The following ITGA8 variants were observed in gnomAD, a reference collection of about 807,000 sequenced individuals.
ITGA8 encodes integrin subunit alpha 8.
ITGA8 carries 91 observed loss-of-function variants against 142.3 expected under a neutral mutation model. That is an observed-to-expected ratio of 0.64 (90% CI 0.54 to 0.76). The LOEUF (loss-of-function observed/expected upper bound fraction) is 0.76. Among genes scored for constraint, ITGA8 ranks in the 30% least tolerant of loss-of-function variants. The pLI is 0.00. For synonymous variants in ITGA8, 505 were observed against 485.2 expected (o/e 1.04, Z -0.54); for missense variants, 1,406 against 1,327.7 (o/e 1.06, Z -0.92).
chr10:15,601,962 G>T (rs1203054799), intron 20 of ITGA8, among the ~76,000 whole-genome samples: 1 of 152,214 alleles, frequency 6.6e-6, no homozygotes, highest in Admixed American at 6.5e-5. Context: ...AAGGGAAATT[G>T]ACAGAGAAAA....
intron 13 of ITGA8, among the ~76,000 whole-genome samples, chr10:15,640,388 G>C (rs1306952565): frequency 6.6e-6 from 1 of 152,142 alleles, no homozygotes; most frequent in South Asian, 2.1e-4. Flanking sequence ...GCTCTCAGGT[G>C]TATTTACTTC....
chr10:15,712,526 G>A (rs768105382), intron 2 of ITGA8, among the ~76,000 whole-genome samples: 22 of 152,156 alleles, frequency 1.4e-4, no homozygotes, highest in East Asian at 3.8e-4. Context: ...ATTTTAACCC[G>A]GGAGATGGAG....
chr10:15,692,336 A>C (rs914301115), intron 2 of ITGA8, among the ~76,000 whole-genome samples: 1 of 152,198 alleles, frequency 6.6e-6, no homozygotes, highest in Non-Finnish European at 1.5e-5. Flanking sequence ...CATTAGATAA[A>C]TATGACATGA....
At chr10:15,644,433 A>AATATATATAT (rs57868499) in intron 12 of ITGA8, among the ~76,000 whole-genome samples, 2 of 42,452 alleles carry the variant, frequency 4.7e-5, no homozygotes, top group African/African-American at 1.0e-4. Flanking sequence ...ATGTCAGGCT[A>AATATATATAT]ATATATATAT....
At chr10:15,550,099 C>T (rs1833768004) in intron 26 of ITGA8, among the ~76,000 whole-genome samples, 1 of 152,140 alleles carries the variant, frequency 6.6e-6, no homozygotes, top group African/African-American at 2.4e-5. Context: ...GTTCTCATGG[C>T]AGTGAATAAG....
rs150120222 is a variant in ITGA8, at chr10:15,582,598, A to G, written c.2372+3986T>C. 3.6e-3 allele frequency among the ~76,000 whole-genome samples: 551 copies of G among 152,372 alleles called. 4 individuals carry two copies. Among genetic ancestry groups the G allele is most frequent in the African/African-American group, 0.012 (504 of 41,588 alleles). The stretch of plus-strand genomic sequence containing the variant: ...CAACTCGATAATAAGGAGACAGAAA[A>G]CCCAGTAATAAATGGGTAGAAGATT... On this transcript the variant is annotated intron_variant, in intron 23 of 29. Coordinates refer to ENST00000378076, the MANE Select transcript of ITGA8 (RefSeq NM_003638.3).
chr10:15,550,084 A>G (rs2131559508), intron 26 of ITGA8, among the ~76,000 whole-genome samples: 1 of 152,252 alleles, frequency 6.6e-6, no homozygotes, highest in East Asian at 1.9e-4. Flanking sequence ...GGTTTCCCAC[A>G]TACTGTTCTC....
At chr10:15,527,975 G>C (rs1343805128) in intron 28 of ITGA8, among the ~76,000 whole-genome samples, 1 of 143,808 alleles carries the variant, frequency 7.0e-6, no homozygotes, top group Non-Finnish European at 1.5e-5. Context: ...GAGTGCAGTG[G>C]CGTGATCTCG....
intron 27 of ITGA8, among the ~76,000 whole-genome samples, chr10:15,535,773 C>T (rs927176376): frequency 1.3e-5 from 2 of 152,144 alleles, no homozygotes; most frequent in Non-Finnish European, 2.9e-5. Flanking sequence ...CCTGGGACAG[C>T]AGTGGCAACC....
chr10:15,606,483 T>C (rs1243005610), intron 17 of ITGA8, 61 bp from the exon 18 acceptor site: 57 of 1,510,356 alleles, frequency 3.8e-5, no homozygotes, highest in Non-Finnish European at 4.9e-5. Flanking sequence ...GATGTCAGTC[T>C]GCAAAAGTCA....
intron 24 of ITGA8, among the ~76,000 whole-genome samples, chr10:15,573,642 G>T (rs1001051819): frequency 1.4e-4 from 21 of 152,028 alleles, no homozygotes; most frequent in African/African-American, 4.6e-4. Flanking sequence ...TTTTGAAAAG[G>T]CTTTATTGTT....
At chr10:15,584,788 A>T (rs1451669) in intron 23 of ITGA8, among the ~76,000 whole-genome samples, 3 of 151,912 alleles carry the variant, frequency 2.0e-5, no homozygotes, top group Admixed American at 1.3e-4. Flanking sequence ...CATGGTGGCT[A>T]AGGCCTGTAA....
Position 15,655,351 on chromosome 10 carries a change from T to C in ITGA8, c.1001+3A>G. The C allele has an allele frequency of 6.3e-7, 1 of 1,582,318 alleles. No individual in the cohort carries two copies. Among genetic ancestry groups the C allele is most frequent in the Non-Finnish European group, 8.7e-7 (1 of 1,151,644 alleles). ...TGTATATGAGAGAGGTCTATAAACTTACCCATCACTGTTAACATCTGATAC... is the reference window on the plus strand; with the variant it reads ...TGTATATGAGAGAGGTCTATAAACTCACCCATCACTGTTAACATCTGATAC... On this transcript the variant is annotated splice_donor_region_variant and intron_variant, in intron 11 of 29. Coordinates refer to ENST00000378076, the MANE Select transcript of ITGA8 (RefSeq NM_003638.3).
intron 28 of ITGA8, among the ~76,000 whole-genome samples, chr10:15,529,564 A>G (rs1333489218): frequency 6.6e-6 from 1 of 152,218 alleles, no homozygotes; most frequent in Non-Finnish European, 1.5e-5. Flanking sequence ...TAAGACTTTT[A>G]AAGCACAGTG....
intron 21 of ITGA8, among the ~76,000 whole-genome samples, chr10:15,594,194 C>A (rs1300002847): frequency 2.6e-5 from 4 of 151,962 alleles, no homozygotes; most frequent in Non-Finnish European, 4.4e-5. Flanking sequence ...GCTCTTCTCT[C>A]CTTTTTAGAA....
intron 2 of ITGA8, among the ~76,000 whole-genome samples, chr10:15,710,085 A>T (rs1425875925): frequency 6.6e-6 from 1 of 152,024 alleles, no homozygotes; most frequent in Non-Finnish European, 1.5e-5. Context: ...TAATTTTTTC[A>T]TTATTTTTCC....
chr10:15,668,171 A>T (rs1300387480), intron 8 of ITGA8, among the ~76,000 whole-genome samples: 6 of 152,058 alleles, frequency 3.9e-5, no homozygotes, highest in Non-Finnish European at 7.4e-5. Flanking sequence ...TTTGTAGGTC[A>T]CTAAGGACTT....
At chr10:15,622,014 C>T (rs1006135501) in intron 13 of ITGA8, among the ~76,000 whole-genome samples, 1 of 152,068 alleles carries the variant, frequency 6.6e-6, no homozygotes, top group Admixed American at 6.5e-5. Context: ...AGAAATTAGC[C>T]AGGCATGATG....
chr10:15,693,669 C>T (rs1044127699), intron 2 of ITGA8, among the ~76,000 whole-genome samples: 1 of 152,158 alleles, frequency 6.6e-6, no homozygotes, highest in African/African-American at 2.4e-5. Flanking sequence ...CCATCTCTGA[C>T]TAGGTTACCT....
Sources: gnomAD v4.1 joint callset for allele counts (sites outside exome capture counted in the v4.1 genomes callset) on GRCh38, gnomAD v4.1.1 for gene constraint, MANE v1.5 for transcripts, NCBI Gene and HGNC (gene_info 2026-07-23, HGNC 2026-07-21) for gene names.